Variants in ROBO2 observed in about 807,000 individuals in gnomAD.
ROBO2 encodes roundabout homolog 2.
A neutral mutation model predicts 160.8 loss-of-function variants in ROBO2; 53 were observed. The ratio of observed to expected loss-of-function variants is 0.33; its 90% CI spans 0.26 to 0.41. The LOEUF (loss-of-function observed/expected upper bound fraction) is 0.41. Ranked by LOEUF, ROBO2 falls within the 10% of genes least tolerant of loss-of-function variation. The pLI, the probability that ROBO2 is intolerant of heterozygous loss-of-function variation, is 1.00. For synonymous variants in ROBO2, 664 were observed against 611.7 expected, an observed-to-expected ratio of 1.09 and a Z score of -1.26; for missense variants, 1,577 against 1,722.4, an observed-to-expected ratio of 0.92 and a Z score of 1.49.
At chr3:77,032,118 G>A (rs1326397203) in intron 2 of ROBO2, among the ~76,000 whole-genome samples, 4 of 152,140 alleles carry the variant, frequency 2.6e-5, no homozygotes, top group Non-Finnish European at 4.4e-5. Context: ...TATCACACTG[G>A]GGGTTAAGAT....
At chr3:76,878,894 C>T (rs547866376) in intron 2 of ROBO2, among the ~76,000 whole-genome samples, 4 of 152,282 alleles carry the variant, frequency 2.6e-5, no homozygotes, top group African/African-American at 9.6e-5. Context: ...TGATCTGTTT[C>T]ATGCTCCACT....
At chr3:76,434,251 C>T (rs1270888613) in intron 2 of ROBO2, 31 of 1,001,888 alleles carry the variant, frequency 3.1e-5, no homozygotes, top group South Asian at 2.7e-4. Flanking sequence ...TTGGAGCGAG[C>T]GCTGTTGGTT....
chr3:77,537,109 G>A (rs2092165085), intron 6 of ROBO2, among the ~76,000 whole-genome samples: 2 of 126,168 alleles, frequency 1.6e-5, no homozygotes, highest in Admixed American at 7.8e-5. Context: ...TGGGGGGGGG[G>A]TGTATTACAC....
chr3:76,965,262 C>T (rs1036605102), intron 2 of ROBO2, among the ~76,000 whole-genome samples: 7 of 152,244 alleles, frequency 4.6e-5, no homozygotes, highest in Admixed American at 3.3e-4. Context: ...GATATCACAA[C>T]TTGGATATCT....
chr3:77,252,196 G>A (rs1160050216), intron 2 of ROBO2, among the ~76,000 whole-genome samples: 1 of 152,064 alleles, frequency 6.6e-6, no homozygotes, highest in Non-Finnish European at 1.5e-5. Context: ...TTTTGCAACT[G>A]TATAATAAGG....
chr3:77,109,006 G>A (rs1279365478), intron 2 of ROBO2, among the ~76,000 whole-genome samples: 1 of 151,948 alleles, frequency 6.6e-6, no homozygotes, highest in Non-Finnish European at 1.5e-5. Flanking sequence ...GAGTGTGGAG[G>A]GAGGAAATCT....
intron 1 of ROBO2, among the ~76,000 whole-genome samples, chr3:77,044,450 A>T (rs2064423703): frequency 6.6e-6 from 1 of 152,144 alleles, no homozygotes; most frequent in African/African-American, 2.4e-5. Flanking sequence ...CATCTTATTT[A>T]CTATTTCTCC....
At chr3:76,395,904 C>T (rs1394529916) in intron 2 of ROBO2, among the ~76,000 whole-genome samples, 1 of 152,118 alleles carries the variant, frequency 6.6e-6, no homozygotes, top group Non-Finnish European at 1.5e-5. Flanking sequence ...CAAGGAGGAA[C>T]TGGTACTATT....
intron 5 of ROBO2, among the ~76,000 whole-genome samples, chr3:77,506,519 T>G (rs996753776): frequency 6.6e-6 from 1 of 152,082 alleles, no homozygotes; most frequent in East Asian, 1.9e-4. Flanking sequence ...GCAAATTTGC[T>G]TCCCCCATTT....
chr3:76,460,328 G>A (rs1206450894), intron 2 of ROBO2, among the ~76,000 whole-genome samples: 1 of 152,022 alleles, frequency 6.6e-6, no homozygotes, highest in Non-Finnish European at 1.5e-5. Flanking sequence ...AAAAGAAAAA[G>A]AAGCATGATC....
chr3:77,074,737 GATGAATGAATGAATGA>G (rs60736267), intron 1 of ROBO2, among the ~76,000 whole-genome samples: 1 of 151,572 alleles, frequency 6.6e-6, no homozygotes, highest in Non-Finnish European at 1.5e-5. Flanking sequence ...ATGAATAAGT[GATGAATGAATGAATGA>G]ATGAATGAAT....
At chr3:76,220,734 A>T (rs1362386847) in intron 2 of ROBO2, among the ~76,000 whole-genome samples, 1 of 151,928 alleles carries the variant, frequency 6.6e-6, no homozygotes, top group Non-Finnish European at 1.5e-5. Flanking sequence ...AAGAAAACAA[A>T]CATATTTGAT....
At chr3:75,973,098 A>G (rs549227537) in intron 2 of ROBO2, among the ~76,000 whole-genome samples, 2 of 151,840 alleles carry the variant, frequency 1.3e-5, no homozygotes, top group South Asian at 4.1e-4. Context: ...GGACCAGGCA[A>G]TCAATTACTA....
chr3:77,283,005 T>C (rs968060662), intron 2 of ROBO2, among the ~76,000 whole-genome samples: 16 of 151,882 alleles, frequency 1.1e-4, no homozygotes, highest in Non-Finnish European at 2.2e-4. Flanking sequence ...AGAATTTAAA[T>C]GTCAATTATG....
intron 2 of ROBO2, among the ~76,000 whole-genome samples, chr3:77,104,252 A>G (rs1271921099): frequency 6.6e-6 from 1 of 152,154 alleles, no homozygotes; most frequent in Non-Finnish European, 1.5e-5. Flanking sequence ...AGTAAATGCT[A>G]ATCTACTTTC....
At chr3:76,404,893 A>G (rs139634313) in intron 2 of ROBO2, among the ~76,000 whole-genome samples, 255 of 151,772 alleles carry the variant, frequency 1.7e-3, no homozygotes, top group African/African-American at 5.9e-3. Flanking sequence ...TGGGTTATAA[A>G]ATGCAAATAT....
intron 2 of ROBO2, among the ~76,000 whole-genome samples, chr3:76,428,783 C>T (rs2076319832): frequency 6.6e-6 from 1 of 152,096 alleles, no homozygotes; most frequent in Non-Finnish European, 1.5e-5. Context: ...AGTTGAGCCA[C>T]GCGAAAGTGA....
chr3:76,006,522 C>T (rs907653585), intron 2 of ROBO2, among the ~76,000 whole-genome samples: 4 of 152,112 alleles, frequency 2.6e-5, no homozygotes, highest in Non-Finnish European at 5.9e-5. Context: ...ATTTACCTAT[C>T]CTTCTTTTGT....
intron 2 of ROBO2, among the ~76,000 whole-genome samples, chr3:76,474,937 G>C (rs530040184): frequency 6.6e-6 from 1 of 152,030 alleles, no homozygotes; most frequent in Non-Finnish European, 1.5e-5. Flanking sequence ...TCATGGCAAC[G>C]TCAGAAACGC....
Sources: allele counts gnomAD v4.1 joint callset (sites outside exome capture counted in the v4.1 genomes callset), GRCh38; gene constraint gnomAD v4.1.1; transcripts MANE v1.5; gene names NCBI Gene and HGNC (gene_info 2026-07-23, HGNC 2026-07-21).